The following XPR1 variants were observed in gnomAD, a reference collection of about 807,000 sequenced individuals.
XPR1 encodes solute carrier family 53 member 1.
In XPR1, 28 loss-of-function variants were observed where a neutral mutation model predicts 87.5. That is an observed-to-expected ratio of 0.32 (90% CI 0.24 to 0.44). The LOEUF (loss-of-function observed/expected upper bound fraction) is 0.44. Among genes scored for constraint, XPR1 ranks in the 20% least tolerant of loss-of-function variants. The probability of loss-of-function intolerance (pLI) is 1.00; values close to 1 mark genes in which losing one functional copy is unlikely to be tolerated. For missense variants in XPR1, 559 were observed against 862.3 expected, an observed-to-expected ratio of 0.65 and a Z score of 4.41; for synonymous variants, 300 against 306.1, an observed-to-expected ratio of 0.98 and a Z score of 0.21.
chr1:180,697,163 A>G (rs954667778), intron 2 of XPR1, among the ~76,000 whole-genome samples: 1 of 152,046 alleles, frequency 6.6e-6, no homozygotes, highest in Non-Finnish European at 1.5e-5. Context: ...ACTACTCGTT[A>G]TTGGTCTTTT....
At chr1:180,814,510 TTC>T in intron 7 of XPR1, among the ~76,000 whole-genome samples, 1 of 152,314 alleles carries the variant, frequency 6.6e-6, no homozygotes, top group African/African-American at 2.4e-5. Context: ...ATCATTTAAC[TTC>T]TCTCAAACAG....
chr1:180,854,270 C>A (rs934126075), intron 11 of XPR1, among the ~76,000 whole-genome samples: 3 of 152,204 alleles, frequency 2.0e-5, no homozygotes, highest in Non-Finnish European at 4.4e-5. Flanking sequence ...CCAGCCAAAA[C>A]CAAATACATA....
At chr1:180,833,157 T>C (rs1218747735) in intron 9 of XPR1, among the ~76,000 whole-genome samples, 1 of 152,180 alleles carries the variant, frequency 6.6e-6, no homozygotes, top group African/African-American at 2.4e-5. Context: ...TTTGGCTCTC[T>C]GTTTGTCTGT....
chr1:180,812,482 A>G (rs1475092904), intron 7 of XPR1, among the ~76,000 whole-genome samples: 1 of 152,172 alleles, frequency 6.6e-6, no homozygotes, highest in East Asian at 1.9e-4. Flanking sequence ...TCTATCTGGC[A>G]TCACCTTTCA....
chr1:180,881,802 A>G (rs1411126639), intron 14 of XPR1, among the ~76,000 whole-genome samples: 1 of 152,244 alleles, frequency 6.6e-6, no homozygotes, highest in Non-Finnish European at 1.5e-5. Flanking sequence ...AGCAGAGAGC[A>G]GGGAACTGAG....
At chr1:180,819,346 A>C (rs1255830766) in intron 7 of XPR1, among the ~76,000 whole-genome samples, 1 of 152,198 alleles carries the variant, frequency 6.6e-6, no homozygotes, top group Admixed American at 6.5e-5. Flanking sequence ...ATTGTTTTAC[A>C]GAGGTCCTTG....
intron 2 of XPR1, among the ~76,000 whole-genome samples, chr1:180,693,374 T>A (rs1657055086): frequency 6.6e-6 from 1 of 152,194 alleles, no homozygotes; most frequent in Non-Finnish European, 1.5e-5. Flanking sequence ...TAGGTATCAT[T>A]GAATAAAGGA....
chr1:180,865,877 A>T (rs1652373485), intron 12 of XPR1, among the ~76,000 whole-genome samples: 1 of 152,184 alleles, frequency 6.6e-6, no homozygotes, highest in Non-Finnish European at 1.5e-5. Context: ...TTGCAAACTT[A>T]TAAGAAAGAT....
At chr1:180,772,089 C>CATTT (rs113368239) in intron 2 of XPR1, among the ~76,000 whole-genome samples, 6,339 of 152,122 alleles carry the variant, frequency 0.042, 464 homozygotes, top group African/African-American at 0.14. Context: ...CTTTCTCACA[C>CATTT]ATTTATTCAG....
Position 180,744,654 on chromosome 1 carries a change from C to CTTTTTTTTTTTTTTTT in XPR1, c.122-43085_122-43084insTTTTTTTTTTTTTTTT. On this transcript the variant is annotated intron_variant, in intron 2 of 14. Transcript: ENST00000367590. ...GTTCAGGTTTAGGCACAATTTCTTT[C>CTTTTTTTTTTTTTTTT]TTTTTTTTTTTTTTGAGACAGAATC... Among the ~76,000 whole-genome samples, 597 of 102,278 alleles carry CTTTTTTTTTTTTTTTT rather than the reference C, an allele frequency of 5.8e-3. 12 individuals carry two copies. The highest frequency in any genetic ancestry group is 6.4e-3 in the Non-Finnish European group (350 of 54,400). 67.1% of individuals were successfully genotyped at this position (102,278 alleles called of 152,430 possible). A position where few individuals can be genotyped will look rare whatever the true frequency, so the allele number is the denominator to read the frequency against.
Position 180,884,230 on chromosome 1 carries a change from G to T in XPR1, c.*164G>T. The T allele has an allele frequency of 2.0e-6, 1 of 500,910 alleles. No individual in the cohort carries two copies. The highest frequency in any genetic ancestry group is 3.5e-6 in the Non-Finnish European group (1 of 282,748). The allele number at this position is 500,910 out of a possible 1,614,324, so 31.0% of individuals were successfully genotyped here. A position where few individuals can be genotyped will look rare whatever the true frequency, so the allele number is the denominator to read the frequency against. ...CCTATGGACTCCAAACAAGCTCACT[G>T]TGTTTCTTTTCTTTTCTTCTGGTTT... On this transcript the variant is annotated 3_prime_UTR_variant, in exon 15 of 15. Coordinates refer to ENST00000367590, the MANE Select transcript of XPR1 (RefSeq NM_004736.4).
intron 1 of XPR1, among the ~76,000 whole-genome samples, chr1:180,635,812 A>T (rs1654740400): frequency 1.3e-5 from 2 of 152,192 alleles, no homozygotes; most frequent in Non-Finnish European, 1.5e-5. Flanking sequence ...ATGTTAGAGA[A>T]TTGGACTTGA....
chr1:180,750,038 T>C (rs1647463205), intron 2 of XPR1, among the ~76,000 whole-genome samples: 1 of 152,242 alleles, frequency 6.6e-6, no homozygotes, highest in Non-Finnish European at 1.5e-5. Flanking sequence ...ACGATGTTTA[T>C]TGAATATTGA....
chr1:180,683,428 G>C (rs532614751), intron 2 of XPR1, among the ~76,000 whole-genome samples: 1 of 152,062 alleles, frequency 6.6e-6, no homozygotes, highest in African/African-American at 2.4e-5. Flanking sequence ...ATAAACATAC[G>C]TGTGCATGTG....
At chr1:180,734,073 C>A (rs1658647315) in intron 2 of XPR1, among the ~76,000 whole-genome samples, 2 of 152,100 alleles carry the variant, frequency 1.3e-5, no homozygotes, top group African/African-American at 2.4e-5. Flanking sequence ...GAGGCAGAGC[C>A]AGGATTTCAA....
At chr1:180,662,492 A>G (rs1655813708) in intron 1 of XPR1, among the ~76,000 whole-genome samples, 1 of 152,174 alleles carries the variant, frequency 6.6e-6, no homozygotes, top group African/African-American at 2.4e-5. Context: ...GTCTGCTGCC[A>G]GATGTATTGG....
At position 180,688,253 on chromosome 1, in the gene XPR1, A is replaced by G. The variant is rs555441077; in HGVS notation, c.121+5842A>G. Among the ~76,000 whole-genome samples the G allele has an allele frequency of 2.8e-4, 42 of 150,710 alleles. 1 individual carries two copies. In the South Asian group the frequency reaches 4.6e-3, roughly 17 times the overall value. Reference sequence around the variant, plus strand: ...TTTTTAGTAGAGATGGGGTTTTGCCATGTTAACCTGCCTGGCCAACATGGC... The same window carrying G: ...TTTTTAGTAGAGATGGGGTTTTGCCGTGTTAACCTGCCTGGCCAACATGGC... On this transcript the variant is annotated intron_variant, in intron 2 of 14. Coordinates refer to ENST00000367590, the MANE Select transcript of XPR1 (RefSeq NM_004736.4).
At chr1:180,714,401 C>G (rs1657917309) in intron 2 of XPR1, among the ~76,000 whole-genome samples, 3 of 116,252 alleles carry the variant, frequency 2.6e-5, no homozygotes, top group Admixed American at 1.8e-4. Flanking sequence ...CTCTCTCTCT[C>G]TGTCGTCTGT....
At chr1:180,703,440 T>C (rs956614069) in intron 2 of XPR1, among the ~76,000 whole-genome samples, 2 of 152,136 alleles carry the variant, frequency 1.3e-5, no homozygotes, top group South Asian at 4.1e-4. Context: ...TATTTCCCAG[T>C]TCCTAGGCTC....
Sources: allele counts gnomAD v4.1 joint callset (sites outside exome capture counted in the v4.1 genomes callset), GRCh38; gene constraint gnomAD v4.1.1; transcripts MANE v1.5; gene names NCBI Gene and HGNC (gene_info 2026-07-23, HGNC 2026-07-21).